Variants in SORBS3 observed in about 807,000 individuals in gnomAD.
The protein encoded by SORBS3 is vinexin.
SORBS3 carries 69 observed loss-of-function variants against 98.0 expected under a neutral mutation model. The observed-to-expected ratio is 0.70, with a 90% confidence interval of 0.58 to 0.86. SORBS3 has a LOEUF of 0.86. Among genes scored for constraint, SORBS3 ranks in the 40% least tolerant of loss-of-function variants. SORBS3 has a pLI of 0.00. For missense variants in SORBS3, 954 were observed against 908.5 expected, an observed-to-expected ratio of 1.05 and a Z score of -0.64; for synonymous variants, 394 against 355.4, an observed-to-expected ratio of 1.11 and a Z score of -1.22.
In SORBS3 at chr8:22,554,735, G is replaced by A. The variant is rs923674484; in HGVS notation, c.102+127G>A. 30 of 1,366,918 alleles carry A rather than the reference G, an allele frequency of 2.2e-5. No individual in the cohort carries two copies. The highest frequency in any genetic ancestry group is 2.0e-4 in the East Asian group (8 of 40,200). 84.7% of individuals were successfully genotyped at this position (1,366,918 alleles called of 1,614,324 possible). ...GCTGAAGAGAGCTCTGGGGGGCCTC[G>A]CTGGTTTCCCACAAAATCGTCAGGC... On this transcript the variant is annotated intron_variant, in intron 2 of 20. Coordinates refer to ENST00000240123, the MANE Select transcript of SORBS3 (RefSeq NM_005775.5). This position sits in a 1 kb window ranked among gnomAD's most constrained non-coding sequence, Gnocchi z 6.5.
intron 7 of SORBS3, 87 bp downstream of exon 7, chr8:22,562,018 C>A: frequency 7.7e-7 from 1 of 1,297,496 alleles, no homozygotes; most frequent in Non-Finnish European, 1.1e-6. Flanking sequence ...TGACCACAGC[C>A]GGCACAGCCT....
intron 1 of SORBS3, among the ~76,000 whole-genome samples, chr8:22,553,513 A>G (rs1490489168): frequency 6.6e-6 from 1 of 151,194 alleles, no homozygotes; most frequent in East Asian, 2.0e-4. Flanking sequence ...TTGCACCCCC[A>G]CTCTGGGCTC....
At chr8:22,553,364 A>G (rs1291028668) in intron 1 of SORBS3, among the ~76,000 whole-genome samples, 2 of 152,224 alleles carry the variant, frequency 1.3e-5, no homozygotes, top group African/African-American at 4.8e-5. Context: ...GATTCCATCC[A>G]GTCCTGGGCA....
At chr8:22,564,662 C>A in intron 10 of SORBS3, 141 bp downstream of exon 10, 1 of 1,378,654 alleles carries the variant, frequency 7.3e-7, no homozygotes, top group Non-Finnish European at 9.8e-7. Flanking sequence ...GTAATGCCAG[C>A]ACTCAGGACA....
upstream of SORBS3, chr8:22,551,801 G>A (rs1044449193): frequency 2.5e-5 from 25 of 985,776 alleles, no homozygotes; most frequent in Admixed American, 1.2e-4. This position sits in a 1 kb window ranked among gnomAD's most constrained non-coding sequence, Gnocchi z 5.8. Context: ...CCCGCCGCGC[G>A]ACTCTCACGG....
chr8:22,552,109 C>T (rs1186460076), intron 1 of SORBS3, 87 bp downstream of exon 1: 4 of 971,176 alleles, frequency 4.1e-6, no homozygotes, highest in African/African-American at 1.8e-5. Flanking sequence ...CCTAGCCCCT[C>T]CCCGGGGTCC....
chr8:22,574,180 T>C (rs930492413), intron 20 of SORBS3, among the ~76,000 whole-genome samples: 160 of 151,760 alleles, frequency 1.1e-3, no homozygotes, highest in Admixed American at 2.4e-3. Flanking sequence ...TTCCCCCCCC[T>C]CCTCCTCTTC....
intron 1 of SORBS3, among the ~76,000 whole-genome samples, chr8:22,554,000 G>C (rs1840135632): frequency 6.6e-6 from 1 of 152,316 alleles, no homozygotes; most frequent in East Asian, 1.9e-4. Flanking sequence ...TGTGCCCGCA[G>C]GCAAGAGATG....
At chr8:22,564,803 A>C in intron 10 of SORBS3, 1 of 1,303,424 alleles carries the variant, frequency 7.7e-7, no homozygotes, top group African/African-American at 1.5e-5. Context: ...GTGGAGCTGG[A>C]CCCTTGAGAA....
At chr8:22,568,131 C>T (rs1378265857) in intron 16 of SORBS3, among the ~76,000 whole-genome samples, 1 of 152,176 alleles carries the variant, frequency 6.6e-6, no homozygotes, top group African/African-American at 2.4e-5. Flanking sequence ...GGGTTACAAG[C>T]GTGAGCCACT....
intron 3 of SORBS3, among the ~76,000 whole-genome samples, chr8:22,555,781 G>T (rs1315654385): frequency 6.6e-6 from 1 of 151,628 alleles, no homozygotes; most frequent in Non-Finnish European, 1.5e-5. Context: ...AACCTGGGAG[G>T]TGGAGGTTGC....
At chr8:22,569,345 A>ACTT (rs751937710) in intron 17 of SORBS3, 72 bp downstream of exon 17, 11 of 1,082,818 alleles carry the variant, frequency 1.0e-5, no homozygotes, top group Admixed American at 3.6e-5. Context: ...CACTAAAAAC[A>ACTT]GTTTTTTTTT....
chr8:22,574,513 C>T (rs1484438148), intron 20 of SORBS3, among the ~76,000 whole-genome samples, 154 bp from the exon 21 acceptor site: 1 of 152,130 alleles, frequency 6.6e-6, no homozygotes, highest in Non-Finnish European at 1.5e-5. Flanking sequence ...CGCTAGGGGG[C>T]AGGAAGGAGG....
intron 16 of SORBS3, 126 bp from the exon 17 acceptor site, chr8:22,569,022 C>G: frequency 1.0e-6 from 1 of 1,003,966 alleles, no homozygotes. Flanking sequence ...GGGCTTGTGT[C>G]TGGTGTTTAT....
chr8:22,548,460 A>G (rs1840039001), upstream of SORBS3, among the ~76,000 whole-genome samples: 1 of 152,180 alleles, frequency 6.6e-6, no homozygotes, highest in Non-Finnish European at 1.5e-5. Flanking sequence ...AACTGCTGGA[A>G]ACGGGCAGTG....
upstream of SORBS3, among the ~76,000 whole-genome samples, chr8:22,550,319 C>T (rs773260932): frequency 3.3e-5 from 5 of 152,178 alleles, no homozygotes; most frequent in Admixed American, 1.3e-4. Flanking sequence ...TTCAGCTCCC[C>T]GCTCAGTGCA....
rs60036296 is a variant in SORBS3 at position 22,557,880 on chromosome 8, T to C, written c.415-249T>C. On this transcript the variant is annotated intron_variant, in intron 4 of 20. Transcript: ENST00000240123. ...GAAAAGCAAAGAGAAAAAATGTAAA[T>C]TGCCCCAAATCTCATAACATCATTA... Among the ~76,000 whole-genome samples, 1,183 of 152,254 alleles carry C rather than the reference T, an allele frequency of 7.8e-3. 11 individuals are homozygous for C. Among genetic ancestry groups the C allele is most frequent in the African/African-American group, 0.027 (1,126 of 41,534 alleles).
intron 12 of SORBS3, 91 bp downstream of exon 12, chr8:22,565,963 C>A (rs1198310268): frequency 1.1e-6 from 1 of 894,078 alleles, no homozygotes; most frequent in Non-Finnish European, 1.5e-6. Flanking sequence ...CGGGGGCGAT[C>A]GCGGGGCCCA....
At position 22,566,351 on chromosome 8, in the gene SORBS3, C is replaced by T. The variant is rs780802150; in HGVS notation, c.957C>T (p.Ala319=). Residue 319 remains alanine, a synonymous_variant, in exon 13 of 21, where the codon GCC becomes GCT. Transcript: ENST00000240123. ...APEQRPPAGP[A]SAWSSSYPHA... is the part of the protein sequence containing the mutation. ...GTCTCTGTGCCCCGTGCAGCCCGGCCTCAGCCTGGAGCTCCAGCTACCCAC... is the reference window on the plus strand; with the variant it reads ...GTCTCTGTGCCCCGTGCAGCCCGGCTTCAGCCTGGAGCTCCAGCTACCCAC... 27 of 1,613,342 alleles carry T rather than the reference C, an allele frequency of 1.7e-5. No individual in the cohort carries two copies. Among genetic ancestry groups the T allele is most frequent in the Admixed American group, 6.7e-5 (4 of 59,980 alleles).
Sources: gnomAD v4.1 joint callset for allele counts (sites outside exome capture counted in the v4.1 genomes callset) on GRCh38, gnomAD v4.1.1 for gene constraint, Gnocchi (gnomAD v3.1) non-coding constraint, MANE v1.5 for transcripts, NCBI Gene and HGNC (gene_info 2026-07-23, HGNC 2026-07-21) for gene names.